DUOX1: variants seen among roughly 807,000 people sequenced by gnomAD.
DUOX1 encodes NADPH thyroid oxidase 1.
In DUOX1, 134 loss-of-function variants were observed where a neutral mutation model predicts 181.8. The observed-to-expected ratio is 0.74, with a 90% confidence interval of 0.64 to 0.85. DUOX1 has a LOEUF of 0.85. Ranked by LOEUF, DUOX1 falls within the 40% of genes least tolerant of loss-of-function variation. DUOX1 has a pLI of 0.00. For synonymous variants in DUOX1, 798 were observed against 832.5 expected (o/e 0.96, Z 0.71); for missense variants, 1,814 against 2,064.4 (o/e 0.88, Z 2.35).
chr15:45,143,957 C>T, intron 16 of DUOX1, 79 bp from the exon 17 acceptor site: 1 of 1,430,198 alleles, frequency 7.0e-7, no homozygotes, highest in Non-Finnish European at 9.8e-7. Context: ...GATCTAATTT[C>T]AGCCCTGAGC....
At chr15:45,155,625 C>A in intron 27 of DUOX1, 177 bp from the exon 28 acceptor site, 1 of 746,568 alleles carries the variant, frequency 1.3e-6, no homozygotes, top group South Asian at 1.9e-5. Flanking sequence ...TGAACAATGT[C>A]TGCTGAAATG....
At position 45,164,770 on chromosome 15, in the gene DUOX1, C is replaced by T. The variant is rs113761790; in HGVS notation, c.4534-9C>T. ...AAGAGTTAGCCTCCACTTATTCCTCCTGCAACAGGTCCGGAAGATCGGGGT... is the reference window on the plus strand; with the variant it reads ...AAGAGTTAGCCTCCACTTATTCCTCTTGCAACAGGTCCGGAAGATCGGGGT... On this transcript the variant is annotated splice_polypyrimidine_tract_variant and intron_variant, in intron 33 of 33. Transcript: ENST00000389037. 125 of 1,614,198 alleles carry T rather than the reference C, an allele frequency of 7.7e-5. No individual in the cohort carries two copies. In the African/African-American group the frequency reaches 1.3e-3, roughly 17 times the overall value.
Position 45,148,994 on chromosome 15 carries a change from T to G in DUOX1, c.2818+547T>G, listed in dbSNP as rs550799713. 9.2e-4 allele frequency among the ~76,000 whole-genome samples: 140 copies of G among 152,256 alleles called. 3 individuals carry two copies. In the South Asian group the frequency reaches 0.028, roughly 30 times the overall value. On this transcript the variant is annotated intron_variant, in intron 21 of 33. Coordinates refer to ENST00000389037, the MANE Select transcript of DUOX1 (RefSeq NM_175940.3). ...TTTGCTGAATACATGAAGACCCAGT[T>G]CTGTTGTCCTTCCCCCTACTTCCTG...
Position 45,162,233 on chromosome 15 carries a change from A to G in DUOX1, c.4104A>G (p.Gly1368=). The change falls in exon 31 of 34, where the codon GGA becomes GGG. Residue 1368 remains glycine, a synonymous_variant. Coordinates refer to ENST00000389037, the MANE Select transcript of DUOX1 (RefSeq NM_175940.3). The part of the protein sequence containing the change: ...CARYPKLYLD[G]PFGEGHQEWH... ...CCTCCCTACAGCTGTACCTTGATGG[A>G]CCATTTGGAGAGGGCCACCAGGAGT... The G allele has an allele frequency of 6.2e-7, 1 of 1,609,792 alleles. No homozygotes were observed. The highest frequency in any genetic ancestry group is 8.5e-7 in the Non-Finnish European group (1 of 1,177,560).
chr15:45,131,919 G>T lies in DUOX1; in HGVS notation c.-48G>T. 6.3e-7 allele frequency: 1 copy of T among 1,590,434 alleles called. No homozygotes were observed. Among genetic ancestry groups the T allele is most frequent in the Non-Finnish European group, 8.6e-7 (1 of 1,158,692 alleles). ...CATTCTTTGCCTGTCTTTTTCTAGG[G>T]TCTCCATTTTGGGACATTCTAATCC... is the stretch of plus-strand genomic sequence containing the variant. On this transcript the variant is annotated splice_region_variant and 5_prime_UTR_variant, in exon 2 of 34. Coordinates refer to ENST00000389037, the MANE Select transcript of DUOX1 (RefSeq NM_175940.3).
In DUOX1 at chr15:45,133,851, C is replaced by T; in HGVS notation, c.59-13C>T. 1.2e-6 allele frequency: 2 copies of T among 1,612,532 alleles called. No individual in the cohort carries two copies. Among genetic ancestry groups the T allele is most frequent in the Non-Finnish European group, 1.7e-6 (2 of 1,179,230 alleles). ...GACTTGCCCAGCTGCCCCTTCCCTC[C>T]ATTCTCACACAGGAGCTCAGAACCC... On this transcript the variant is annotated splice_polypyrimidine_tract_variant and intron_variant, in intron 2 of 33. Transcript: ENST00000389037.
chr15:45,138,078 A>ATGTG (rs72204897), intron 10 of DUOX1, 64 bp downstream of exon 10: 211,520 of 537,494 alleles, frequency 0.39, 19,137 homozygotes, highest in Admixed American at 0.44. Flanking sequence ...GTGTGTGTGT[A>ATGTG]TGTGTGTGTG....
rs202130096 is a variant in DUOX1, at chr15:45,160,877, G to A, written c.3743G>A (p.Arg1248His). Residue 1248 changes from arginine to histidine, a missense_variant, in exon 29 of 34, where the codon CGT becomes CAT. By Grantham distance (29) the Arg-to-His change is conservative. Transcript: ENST00000389037. ...AGCTTTGCCCTGATCCAGCTGCCCC[G>A]TTTCCACATCTTCTTCCTGGTCCCA... ...HGSFALIQLP[R>H]FHIFFLVPAI... The A allele has an allele frequency of 6.7e-5, 108 of 1,612,964 alleles. No individual in the cohort carries two copies. The highest frequency in any genetic ancestry group is 7.7e-5 in the South Asian group (7 of 90,950).
chr15:45,148,217 T>G, intron 20 of DUOX1, 55 bp from the exon 21 acceptor site: 2 of 1,610,630 alleles, frequency 1.2e-6, no homozygotes, highest in Non-Finnish European at 1.7e-6. Flanking sequence ...GTGTGTCCTG[T>G]GTCTGGGTCG....
Position 45,153,986 on chromosome 15 carries a change from TC to T in DUOX1, c.3562del (p.Gln1188ArgfsTer13). ...ELPQKYYWWF[F>X]QTVPGLTGVV... ...CCCCAGAAGTATTACTGGTGGTTCT[TC>T]CAGACCGTACCAGGTGAGAACCCTC... On this transcript the variant is annotated frameshift_variant, in exon 27 of 34. Coordinates refer to ENST00000389037, the MANE Select transcript of DUOX1 (RefSeq NM_175940.3). LOFTEE classifies it high-confidence loss of function. 2 of 1,613,430 alleles carry T rather than the reference TC, an allele frequency of 1.2e-6. No individual in the cohort carries two copies. The highest frequency in any genetic ancestry group is 1.7e-6 in the Non-Finnish European group (2 of 1,179,482).
At chr15:45,147,869 C>A in intron 19 of DUOX1, 35 bp from the exon 20 acceptor site, 1 of 1,582,598 alleles carries the variant, frequency 6.3e-7, no homozygotes, top group Non-Finnish European at 8.7e-7. Flanking sequence ...GGCAGGCAGG[C>A]GGGGGCTCTC....
chr15:45,154,386 G>A (rs951445265), intron 27 of DUOX1, among the ~76,000 whole-genome samples: 2 of 152,298 alleles, frequency 1.3e-5, no homozygotes, highest in African/African-American at 2.4e-5. Flanking sequence ...GAAGGAGCAG[G>A]CTCTTTGTCA....
In DUOX1 at chr15:45,130,088, C is replaced by G. The variant is rs1282780738; in HGVS notation, c.-60C>G. On this transcript the variant is annotated 5_prime_UTR_variant, in exon 1 of 34. Transcript: ENST00000389037. ...TTGCAGTCCCGGGCTCTGGTGACGC[C>G]GTGGCCGCAGGTCAGATTTGGGAGG... The G allele has an allele frequency of 1.3e-5, 2 of 152,242 alleles. No homozygotes were observed. The highest frequency in any genetic ancestry group is 3.9e-4 in the East Asian group (2 of 5,174). 9.4% of individuals were successfully genotyped at this position (152,242 alleles called of 1,614,324 possible).
chr15:45,142,007 A>G lies in DUOX1; in HGVS notation c.1717A>G (p.Thr573Ala). ...CTGTCCGCAGCCGAGACAGCTCAGCACTGAAGGCCTGCCAGCGTGTGCTCC... is the reference window on the plus strand; with the variant it reads ...CTGTCCGCAGCCGAGACAGCTCAGCGCTGAAGGCCTGCCAGCGTGTGCTCC... ...DPCPQPRQLS[T>A]EGLPACAPSV... Residue 573 changes from threonine (T) to alanine (A), a missense_variant, in exon 15 of 34, where the codon ACT becomes GCT. By Grantham distance (58) the Thr-to-Ala change is moderately conservative. This residue lies in a region of DUOX1 where 1,064 missense variants were observed against 1,152.9 expected (regional missense o/e 0.92). Coordinates refer to ENST00000389037, the MANE Select transcript of DUOX1 (RefSeq NM_175940.3). The G allele has an allele frequency of 6.2e-7, 1 of 1,613,576 alleles. No individual in the cohort carries two copies. Among genetic ancestry groups the G allele is most frequent in the African/African-American group, 1.3e-5 (1 of 74,988 alleles).
chr15:45,144,313 G>A, intron 17 of DUOX1, 78 bp downstream of exon 17: 2 of 1,469,520 alleles, frequency 1.4e-6, no homozygotes, highest in East Asian at 4.6e-5. Context: ...AAGAAGCATG[G>A]GGTCAGGAGG....
intron 2 of DUOX1, among the ~76,000 whole-genome samples, chr15:45,133,165 A>G (rs1896197447): frequency 1.3e-5 from 2 of 152,150 alleles, no homozygotes; most frequent in South Asian, 4.1e-4. Flanking sequence ...TTCTTTCCCC[A>G]GCAGCTGAGT....
At chr15:45,130,198 T>C (rs2141244178) in intron 1 of DUOX1, 100 bp downstream of exon 1, 1 of 152,280 alleles carries the variant, frequency 6.6e-6, no homozygotes, top group Middle Eastern at 3.4e-3. Context: ...TCCTCCACGT[T>C]ATGGAAGAAA....
chr15:45,165,163 G>C lies in DUOX1; in HGVS notation c.*262G>C, dbSNP rs1020706472. 5.1e-5 allele frequency: 27 copies of C among 533,316 alleles called. No homozygotes were observed. The highest frequency in any genetic ancestry group is 8.0e-5 in the Non-Finnish European group (24 of 299,174). The allele number at this position is 533,316 out of a possible 1,614,324, so 33.0% of individuals were successfully genotyped here. On this transcript the variant is annotated 3_prime_UTR_variant, in exon 34 of 34. Coordinates refer to ENST00000389037, the MANE Select transcript of DUOX1 (RefSeq NM_175940.3). The stretch of plus-strand genomic sequence containing the variant: ...AGGGGAGCTACTGATTTGGGGCAAA[G>C]TGAAACCTCTGCTTCCAGACTTCAG...
At chr15:45,145,153 C>T (rs1233930841) in intron 18 of DUOX1, 73 bp downstream of exon 18, 16 of 1,358,720 alleles carry the variant, frequency 1.2e-5, no homozygotes, top group South Asian at 7.0e-5. Context: ...TGGGGTGACT[C>T]GAGGGGAAGT....
Sources: allele counts gnomAD v4.1 joint callset (sites outside exome capture counted in the v4.1 genomes callset), GRCh38; gene constraint gnomAD v4.1.1; regional missense constraint gnomAD v4.1.1; transcripts MANE v1.5; gene names NCBI Gene and HGNC (gene_info 2026-07-23, HGNC 2026-07-21).